The following MAST4 variants were observed in gnomAD, a reference collection of about 807,000 sequenced individuals.
MAST4 encodes the protein microtubule-associated serine/threonine-protein kinase 4.
A neutral mutation model predicts 162.7 loss-of-function variants in MAST4; 89 were observed. The ratio of observed to expected loss-of-function variants is 0.55; its 90% CI spans 0.46 to 0.65. The LOEUF is 0.65. MAST4 is among the 30% of genes least tolerant of loss of function. The pLI, the probability that MAST4 is intolerant of heterozygous loss-of-function variation, is 0.00. For synonymous variants in MAST4, 1,479 were observed against 1,361.1 expected (o/e 1.09, Z -1.91); for missense variants, 3,153 against 3,374.0 (o/e 0.93, Z 1.62).
At chr5:66,992,830 G>C (rs533345940) in intron 4 of MAST4, among the ~76,000 whole-genome samples, 1 of 152,286 alleles carries the variant, frequency 6.6e-6, no homozygotes, top group Admixed American at 6.5e-5. Flanking sequence ...ACATTTGTGA[G>C]CCAGGAGCCC....
intron 3 of MAST4, among the ~76,000 whole-genome samples, chr5:66,813,297 G>T (rs1261640918): frequency 6.6e-6 from 1 of 152,154 alleles, no homozygotes; most frequent in Non-Finnish European, 1.5e-5. Flanking sequence ...CTGATTCTGG[G>T]TATAAGCATG....
rs779998947 is a variant in MAST4 at position 67,166,080 on chromosome 5, C to A, written c.6901C>A (p.Pro2301Thr). 2.4e-5 allele frequency: 38 copies of A among 1,613,472 alleles called. No individual in the cohort carries two copies. In the South Asian group the frequency reaches 4.1e-4, roughly 17 times the overall value. Residue 2301 changes from proline to threonine, a missense_variant, in exon 29 of 29, where the codon CCT becomes ACT. Physicochemically the swap from Pro to Thr is conservative, Grantham distance 38. This residue lies in a region of MAST4 where 1,644 missense variants were observed against 1,495.0 expected (regional missense o/e 1.10). Coordinates refer to ENST00000403625, the MANE Select transcript of MAST4 (RefSeq NM_001164664.2). ...GGRPLEVLEKPVHLPRPGHPG... is the reference protein window; with the variant it reads ...GGRPLEVLEKTVHLPRPGHPG... ...GCGGCCCCTGGAGGTGCTGGAGAAG[C>A]CTGTGCATTTGCCAAGGCCGGGACA... is the stretch of plus-strand genomic sequence containing the variant.
In MAST4 at chr5:66,788,752, C is replaced by G; in HGVS notation, c.600C>G (p.Ser200Arg). Residue 200 changes from serine to arginine, a missense_variant, in exon 3 of 29, where the codon AGC (serine) becomes AGG (arginine). Transcript: ENST00000403625. ...AETSNLVRMR[S>R]QALGQSAPSL... is the part of the protein sequence containing the mutation. ...CGTCCAACCTCGTGCGCATGCGCAG[C>G]CAGGCCCTGGGCCAGTCGGCGCCCT... 1.2e-6 allele frequency: 2 copies of G among 1,611,544 alleles called. No homozygotes were observed. Among genetic ancestry groups the G allele is most frequent in the Non-Finnish European group, 1.7e-6 (2 of 1,178,658 alleles).
At chr5:66,692,485 T>G (rs1245739502) in intron 1 of MAST4, among the ~76,000 whole-genome samples, 2 of 151,902 alleles carry the variant, frequency 1.3e-5, no homozygotes, top group Non-Finnish European at 2.9e-5. Context: ...GAATAGCCCA[T>G]GTTCATCTTC....
At chr5:66,927,357 A>C (rs1196971695) in intron 4 of MAST4, among the ~76,000 whole-genome samples, 3 of 152,216 alleles carry the variant, frequency 2.0e-5, no homozygotes, top group Admixed American at 6.5e-5. Flanking sequence ...TTCTATTTCT[A>C]TATAAGCCTT....
chr5:67,013,908 T>C (rs1752979291), intron 4 of MAST4, among the ~76,000 whole-genome samples: 1 of 152,218 alleles, frequency 6.6e-6, no homozygotes, highest in Non-Finnish European at 1.5e-5. Context: ...TAAGTGGCTA[T>C]TATGTAATGT....
intron 3 of MAST4, among the ~76,000 whole-genome samples, chr5:66,856,299 A>ACT (rs1420741948): frequency 1.3e-5 from 2 of 152,020 alleles, no homozygotes; most frequent in Non-Finnish European, 2.9e-5. Flanking sequence ...GGCCTCCCTG[A>ACT]CTCCCGATTG....
At chr5:66,874,466 G>T (rs1761156610) in intron 3 of MAST4, among the ~76,000 whole-genome samples, 1 of 152,140 alleles carries the variant, frequency 6.6e-6, no homozygotes, top group Non-Finnish European at 1.5e-5. Context: ...TTTTACATTG[G>T]AAGCTTTGCT....
chr5:67,012,738 AAAAAG>A (rs1320621307), intron 4 of MAST4, among the ~76,000 whole-genome samples: 4 of 152,230 alleles, frequency 2.6e-5, no homozygotes, highest in African/African-American at 7.2e-5. Flanking sequence ...GCAGATAGAA[AAAAAG>A]AAAAGAAAAA....
At chr5:66,885,425 A>G (rs1761976554) in intron 3 of MAST4, among the ~76,000 whole-genome samples, 1 of 152,232 alleles carries the variant, frequency 6.6e-6, no homozygotes, top group South Asian at 2.1e-4. Flanking sequence ...GGTCATAGCA[A>G]GAAATACTTT....
intron 1 of MAST4, among the ~76,000 whole-genome samples, chr5:66,634,565 GCTGATTT>G (rs1404246242): frequency 1.3e-5 from 2 of 152,014 alleles, no homozygotes; most frequent in African/African-American, 4.8e-5. Flanking sequence ...CCTTTTTCCT[GCTGATTT>G]CTTCCCTCGT....
At chr5:67,005,030 T>A (rs1751822665) in intron 4 of MAST4, 3 of 775,176 alleles carry the variant, frequency 3.9e-6, no homozygotes, top group Non-Finnish European at 7.2e-6. Context: ...GACTGTGCTC[T>A]CAAACTTTAC....
At chr5:66,952,750 C>G (rs918626363) in intron 4 of MAST4, among the ~76,000 whole-genome samples, 4 of 151,882 alleles carry the variant, frequency 2.6e-5, no homozygotes, top group African/African-American at 7.3e-5. Context: ...ATCGCTGCTC[C>G]CTTTGCCTGC....
chr5:66,676,892 G>A (rs1202177767), intron 1 of MAST4, among the ~76,000 whole-genome samples: 2 of 152,176 alleles, frequency 1.3e-5, no homozygotes, highest in Admixed American at 6.5e-5. Flanking sequence ...TAAACAAGTT[G>A]CAAAATAATG....
At position 66,681,301 on chromosome 5, in the gene MAST4, T is replaced by C. The variant is rs546662284; in HGVS notation, c.364-78408T>C. 2.0e-5 allele frequency among the ~76,000 whole-genome samples: 3 copies of C among 152,318 alleles called. No individual in the cohort carries two copies. The East Asian group carries it at 5.8e-4, about 29-fold the overall frequency. On this transcript the variant is annotated intron_variant, in intron 1 of 28. Coordinates refer to ENST00000403625, the MANE Select transcript of MAST4 (RefSeq NM_001164664.2). ...AGGCCCTGTAACTTCTCAGCACTTATAAGTCACAAAGTGAATCCAGATCTC... is the reference window on the plus strand; with the variant it reads ...AGGCCCTGTAACTTCTCAGCACTTACAAGTCACAAAGTGAATCCAGATCTC...
At chr5:67,113,090 G>C (rs1766441286) in intron 11 of MAST4, among the ~76,000 whole-genome samples, 1 of 152,224 alleles carries the variant, frequency 6.6e-6, no homozygotes, top group East Asian at 1.9e-4. Flanking sequence ...AAGGTGGGTG[G>C]ATCACGAGGT....
At chr5:66,607,360 A>G (rs1221906760) in intron 1 of MAST4, among the ~76,000 whole-genome samples, 1 of 152,202 alleles carries the variant, frequency 6.6e-6, no homozygotes, top group Non-Finnish European at 1.5e-5. Context: ...ACACCAGTTA[A>G]TGGGATAAGT....
chr5:66,745,352 T>C (rs999106776), intron 1 of MAST4, among the ~76,000 whole-genome samples: 9 of 152,232 alleles, frequency 5.9e-5, no homozygotes, highest in South Asian at 2.1e-4. Context: ...CACATTATGA[T>C]GTATGGTGCC....
chr5:67,011,531 G>A (rs964897355), intron 4 of MAST4, among the ~76,000 whole-genome samples: 19 of 152,066 alleles, frequency 1.2e-4, no homozygotes, highest in South Asian at 6.2e-4. Flanking sequence ...CCATGACGCC[G>A]TCCAGTAACC....
Sources: allele counts gnomAD v4.1 joint callset (sites outside exome capture counted in the v4.1 genomes callset), GRCh38; gene constraint gnomAD v4.1.1; regional missense constraint gnomAD v4.1.1; transcripts MANE v1.5; gene names NCBI Gene and HGNC (gene_info 2026-07-23, HGNC 2026-07-21).